Variants in LRP1B observed in about 807,000 individuals in gnomAD.
The protein encoded by LRP1B is LDL receptor related protein 1B, also known as low-density lipoprotein receptor-related protein 1B.
Under a neutral mutation model 556.6 loss-of-function variants are expected in LRP1B, and 217 were observed. The ratio of observed to expected loss-of-function variants is 0.39; its 90% CI spans 0.35 to 0.44. The LOEUF (loss-of-function observed/expected upper bound fraction) is 0.44. Among genes scored for constraint, LRP1B ranks in the 20% least tolerant of loss-of-function variants. LRP1B has a pLI of 1.00. For missense variants in LRP1B, 5,053 were observed against 5,620.8 expected, an observed-to-expected ratio of 0.90 and a Z score of 3.23; for synonymous variants, 2,047 against 1,865.8, an observed-to-expected ratio of 1.10 and a Z score of -2.50.
intron 7 of LRP1B, among the ~76,000 whole-genome samples, chr2:141,068,557 C>CA (rs564540035): frequency 0.095 from 6,762 of 70,836 alleles, 225 homozygotes; most frequent in East Asian, 0.21. Flanking sequence ...ATGTGGTTGG[C>CA]AAAAAAAAAA....
At chr2:141,550,900 T>G (rs1685727160) in intron 2 of LRP1B, among the ~76,000 whole-genome samples, 2 of 152,114 alleles carry the variant, frequency 1.3e-5, no homozygotes, top group South Asian at 4.1e-4. Context: ...ATTATTAATT[T>G]ATCTTCTTGG....
Position 142,028,985 on chromosome 2 carries a change from C to A in LRP1B, c.82+101663G>T, listed in dbSNP as rs1168107110. Among the ~76,000 whole-genome samples the A allele has an allele frequency of 2.0e-5, 3 of 151,912 alleles. No individual in the cohort carries two copies. In the East Asian group the frequency reaches 5.8e-4, roughly 29 times the overall value. On this transcript the variant is annotated intron_variant, in intron 1 of 90. Transcript: ENST00000389484. Reference sequence around the variant, plus strand: ...TTCTTCAGTGAAGTGATGTTCAAATCTTTGCCTGTTTTTTACTGGATTGCT... The same window carrying A: ...TTCTTCAGTGAAGTGATGTTCAAATATTTGCCTGTTTTTTACTGGATTGCT...
intron 1 of LRP1B, among the ~76,000 whole-genome samples, chr2:141,972,465 G>A (rs1000672650): frequency 6.6e-6 from 1 of 151,090 alleles, no homozygotes; most frequent in East Asian, 1.9e-4. Flanking sequence ...ATATACCAAG[G>A]AGATTTTCCT....
At chr2:141,303,121 A>C (rs1427057298) in intron 3 of LRP1B, among the ~76,000 whole-genome samples, 1 of 152,096 alleles carries the variant, frequency 6.6e-6, no homozygotes, top group African/African-American at 2.4e-5. Context: ...CAAATGACTC[A>C]AAAGCAGATT....
intron 1 of LRP1B, among the ~76,000 whole-genome samples, chr2:141,921,824 C>T (rs775662109): frequency 1.3e-5 from 2 of 152,000 alleles, no homozygotes; most frequent in Non-Finnish European, 2.9e-5. Context: ...AATAACTCTA[C>T]TTTAATTTTC....
At chr2:141,009,717 A>G (rs1230950746) in intron 14 of LRP1B, among the ~76,000 whole-genome samples, 1 of 152,014 alleles carries the variant, frequency 6.6e-6, no homozygotes, top group Admixed American at 6.6e-5. Context: ...TGGATTCTAT[A>G]AAAGTAGTCA....
intron 2 of LRP1B, among the ~76,000 whole-genome samples, chr2:141,555,289 A>C (rs1160457533): frequency 6.6e-6 from 1 of 152,026 alleles, no homozygotes; most frequent in Non-Finnish European, 1.5e-5. Flanking sequence ...AAATGCTCAG[A>C]AGGAGTGGTG....
intron 3 of LRP1B, among the ~76,000 whole-genome samples, chr2:141,320,170 T>C (rs1687184535): frequency 6.6e-6 from 1 of 152,130 alleles, no homozygotes; most frequent in Non-Finnish European, 1.5e-5. Flanking sequence ...ACCTTTATTA[T>C]CCAAAGAAGT....
chr2:142,009,720 T>C (rs1702897800), intron 1 of LRP1B, among the ~76,000 whole-genome samples: 2 of 152,208 alleles, frequency 1.3e-5, no homozygotes, highest in South Asian at 2.1e-4. Context: ...TAAGTTCATA[T>C]ATATGTGTAT....
At chr2:141,692,688 T>C (rs1259576446) in intron 2 of LRP1B, among the ~76,000 whole-genome samples, 1 of 152,000 alleles carries the variant, frequency 6.6e-6, no homozygotes, top group Non-Finnish European at 1.5e-5. Flanking sequence ...TTTGCCATTG[T>C]GCAAACGTCA....
rs73963536 is a variant in LRP1B, at chr2:141,707,449, A to G, written c.205+102830T>C. Among the ~76,000 whole-genome samples the G allele has an allele frequency of 7.3e-3, 1,114 of 152,212 alleles. 20 individuals carry two copies. The highest frequency in any genetic ancestry group is 0.026 in the African/African-American group (1,068 of 41,548). On this transcript the variant is annotated intron_variant, in intron 2 of 90. Coordinates refer to ENST00000389484, the MANE Select transcript of LRP1B (RefSeq NM_018557.3). ...AATTTGTAGTATTATCACTCCTGGG[A>G]ACATTTGGCCCTTGAGATTCACCTC...
rs80351731 is a variant in LRP1B at position 141,564,499 on chromosome 2, A to C, written c.206-83966T>G. On this transcript the variant is annotated intron_variant, in intron 2 of 90. Coordinates refer to ENST00000389484, the MANE Select transcript of LRP1B (RefSeq NM_018557.3). ...ATAAGAGTTGGGCTGGGGCATAAGGAGAGTAGAAATTATTCGAATTTGAAT... is the reference window on the plus strand; with the variant it reads ...ATAAGAGTTGGGCTGGGGCATAAGGCGAGTAGAAATTATTCGAATTTGAAT... Among the ~76,000 whole-genome samples the C allele has an allele frequency of 2.4e-3, 359 of 152,216 alleles. 15 individuals carry two copies. The East Asian group carries it at 0.057, about 24-fold the overall frequency.
intron 1 of LRP1B, among the ~76,000 whole-genome samples, chr2:142,093,607 G>A (rs865944328): frequency 3.9e-5 from 6 of 152,102 alleles, no homozygotes; most frequent in Non-Finnish European, 8.8e-5. Context: ...AGTGGACACA[G>A]AAGAAGCCAT....
At chr2:140,319,679 T>G (rs942076727) in intron 82 of LRP1B, among the ~76,000 whole-genome samples, 1 of 152,110 alleles carries the variant, frequency 6.6e-6, no homozygotes, top group African/African-American at 2.4e-5. Context: ...GATACTAGGC[T>G]TAATACCTAG....
chr2:141,121,131 A>T (rs1426632547), intron 7 of LRP1B, among the ~76,000 whole-genome samples: 1 of 152,008 alleles, frequency 6.6e-6, no homozygotes, highest in Non-Finnish European at 1.5e-5. Context: ...ATCTGTGTAA[A>T]TCTCAGTTTC....
Position 140,514,685 on chromosome 2 carries a change from C to T in LRP1B, c.8237G>A (p.Gly2746Glu), listed in dbSNP as rs1260980343. Residue 2746 changes from glycine (G) to glutamate (E), a missense_variant, in exon 51 of 91, where the codon GGG becomes GAG. By Grantham distance (98) the Gly-to-Glu change is moderately conservative. Coordinates refer to ENST00000389484, the MANE Select transcript of LRP1B (RefSeq NM_018557.3). ...GCTGTCACTTTCATCTAACCCATCC[C>T]CACAGTCATCTTCTCCATCACAAAT... is the stretch of plus-strand genomic sequence containing the variant. Reference protein sequence around the residue: ...HWICDGEDDCGDGLDESDSIC... With the variant: ...HWICDGEDDCEDGLDESDSIC... 6 of 1,612,296 alleles carry T rather than the reference C, an allele frequency of 3.7e-6. No individual in the cohort carries two copies. Among genetic ancestry groups the T allele is most frequent in the Middle Eastern group, 3.3e-4 (2 of 6,058 alleles).
intron 2 of LRP1B, among the ~76,000 whole-genome samples, chr2:141,681,497 AT>A (rs78878410): frequency 1.3e-5 from 2 of 151,872 alleles, no homozygotes; most frequent in African/African-American, 2.4e-5. Context: ...TCAATAATTT[AT>A]TTTTTTCCTG....
At chr2:141,916,113 C>G (rs1314219951) in intron 1 of LRP1B, among the ~76,000 whole-genome samples, 1 of 152,094 alleles carries the variant, frequency 6.6e-6, no homozygotes, top group Admixed American at 6.6e-5. Flanking sequence ...TACAAAAAAA[C>G]ACAAGCACTC....
chr2:141,544,296 CTCTTCTTCTTCT>C (rs1175616888), intron 2 of LRP1B, among the ~76,000 whole-genome samples: 9 of 78,298 alleles, frequency 1.1e-4, no homozygotes, highest in African/African-American at 4.7e-4. Context: ...AAATTTACCA[CTCTTCTTCTTCT>C]TCTTCTTCTT....
Sources: gnomAD v4.1 joint callset for allele counts (sites outside exome capture counted in the v4.1 genomes callset) on GRCh38, gnomAD v4.1.1 for gene constraint, MANE v1.5 for transcripts, NCBI Gene and HGNC (gene_info 2026-07-23, HGNC 2026-07-21) for gene names.